The following ATF2 variants were observed in gnomAD, a reference collection of about 807,000 sequenced individuals.
ATF2 encodes cyclic AMP-dependent transcription factor ATF-2.
In ATF2, 24 loss-of-function variants were observed where a neutral mutation model predicts 60.6. The ratio of observed to expected loss-of-function variants is 0.40; its 90% CI spans 0.29 to 0.56. The LOEUF is 0.56. ATF2 is among the 20% of genes least tolerant of loss of function. The pLI, the probability that ATF2 is intolerant of heterozygous loss-of-function variation, is 0.54. For missense variants in ATF2, 433 were observed against 607.7 expected, an observed-to-expected ratio of 0.71 and a Z score of 3.02; for synonymous variants, 206 against 215.4, an observed-to-expected ratio of 0.96 and a Z score of 0.38.
chr2:175,167,525 C>T (rs1223507223), intron 1 of ATF2: 5 of 432,172 alleles, frequency 1.2e-5, no homozygotes, highest in Non-Finnish European at 2.5e-5. Flanking sequence ...TATTTTCAGC[C>T]GCGCCTCCCG....
At chr2:175,128,030 G>C (rs2105739926) in intron 4 of ATF2, among the ~76,000 whole-genome samples, 1 of 152,158 alleles carries the variant, frequency 6.6e-6, no homozygotes, top group East Asian at 1.9e-4. Flanking sequence ...AAAATGGTGT[G>C]GTACTAGCAT....
chr2:175,108,210 C>T (rs1482362050), intron 10 of ATF2, among the ~76,000 whole-genome samples: 4 of 151,768 alleles, frequency 2.6e-5, no homozygotes, highest in East Asian at 3.9e-4. Context: ...GGAGCCCCGC[C>T]GCCCGGCAGC....
intron 10 of ATF2, among the ~76,000 whole-genome samples, chr2:175,103,549 A>C (rs1338898345): frequency 6.6e-6 from 1 of 152,102 alleles, no homozygotes; most frequent in East Asian, 1.9e-4. Context: ...GCAGGGCCCA[A>C]CCAAGTTAAT....
At chr2:175,095,058 T>C (rs958039986) in intron 11 of ATF2, among the ~76,000 whole-genome samples, 4 of 152,094 alleles carry the variant, frequency 2.6e-5, no homozygotes, top group Non-Finnish European at 5.9e-5. Flanking sequence ...GGCTTCAAGA[T>C]TTGCAATCTT....
At chr2:175,164,009 A>G (rs375041581) in intron 1 of ATF2, among the ~76,000 whole-genome samples, 2 of 149,096 alleles carry the variant, frequency 1.3e-5, no homozygotes, top group South Asian at 4.2e-4. Context: ...ATGAATACAT[A>G]TTTATTTATA....
intron 10 of ATF2, among the ~76,000 whole-genome samples, chr2:175,101,194 G>T (rs1409794746): frequency 6.6e-6 from 1 of 152,102 alleles, no homozygotes; most frequent in Non-Finnish European, 1.5e-5. Context: ...ATGTGGAAGT[G>T]GATGGATTAA....
At chr2:175,103,982 C>T (rs978517688) in intron 10 of ATF2, among the ~76,000 whole-genome samples, 9 of 151,648 alleles carry the variant, frequency 5.9e-5, no homozygotes, top group African/African-American at 2.2e-4. Context: ...ACATTTAACA[C>T]ATGCTTACTT....
At chr2:175,092,460 T>C in intron 12 of ATF2, 1 of 192,468 alleles carries the variant, frequency 5.2e-6, no homozygotes. Flanking sequence ...AACTTTATAC[T>C]CCATGAGGTT....
chr2:175,096,727 A>C (rs1694963229), intron 11 of ATF2, among the ~76,000 whole-genome samples: 1 of 152,212 alleles, frequency 6.6e-6, no homozygotes, highest in Non-Finnish European at 1.5e-5. Context: ...ATTTTTTAAG[A>C]AGAGATCCAA....
intron 3 of ATF2, among the ~76,000 whole-genome samples, chr2:175,130,927 G>C (rs548277811): frequency 6.6e-6 from 1 of 152,200 alleles, no homozygotes; most frequent in South Asian, 2.1e-4. Context: ...CTGAGTCCAA[G>C]TTTAAAAGTC....
At chr2:175,158,044 C>T (rs1574505661) in intron 1 of ATF2, among the ~76,000 whole-genome samples, 4 of 151,648 alleles carry the variant, frequency 2.6e-5, no homozygotes, top group East Asian at 3.9e-4. Flanking sequence ...CCAAGGTGAA[C>T]TGAAGCAGGA....
At chr2:175,158,695 C>A (rs544245027) in intron 1 of ATF2, among the ~76,000 whole-genome samples, 2 of 152,028 alleles carry the variant, frequency 1.3e-5, no homozygotes, top group South Asian at 4.2e-4. Context: ...GGCAATGATC[C>A]TCCTGTATTA....
At chr2:175,154,999 G>A (rs949441169) in intron 1 of ATF2, among the ~76,000 whole-genome samples, 2 of 152,222 alleles carry the variant, frequency 1.3e-5, no homozygotes, top group Non-Finnish European at 2.9e-5. Flanking sequence ...GTCCCTGTGG[G>A]AGGACAGGAG....
At position 175,084,433 on chromosome 2, in the gene ATF2, G is replaced by A. The variant is rs544504040; in HGVS notation, c.1186-3668C>T. On this transcript the variant is annotated intron_variant, in intron 12 of 13. Transcript: ENST00000264110. ...ACCACATGTTCTCACTCATAGATGGGAACCGAACAATGAGAACACATGGAC... is the reference window on the plus strand; with the variant it reads ...ACCACATGTTCTCACTCATAGATGGAAACCGAACAATGAGAACACATGGAC... Among the ~76,000 whole-genome samples the A allele has an allele frequency of 1.6e-3, 227 of 139,552 alleles. 1 individual carries two copies. Among genetic ancestry groups the A allele is most frequent in the African/African-American group, 5.9e-3 (218 of 37,244 alleles). 91.6% of individuals were successfully genotyped at this position (139,552 alleles called of 152,430 possible). A position where few individuals can be genotyped will look rare whatever the true frequency, so the allele number is the denominator to read the frequency against.
Position 175,093,250 on chromosome 2 carries a change from T to C in ATF2, c.996A>G (p.Thr332=). The change falls in exon 12 of 14, where the codon ACA becomes ACG. Residue 332 remains threonine (T), a synonymous_variant. Coordinates refer to ENST00000264110, the MANE Select transcript of ATF2 (RefSeq NM_001880.4). ...CACTTGTACTTTGGGTCTGTGGAGT[T>C]GTGTGAGCTGGAGAAGCCTATTATA... is the stretch of plus-strand genomic sequence containing the variant. The part of the protein sequence containing the change: ...TTETPASPAH[T]TPQTQSTSGR... 1 of 1,614,064 alleles carries C rather than the reference T, an allele frequency of 6.2e-7. No individual in the cohort carries two copies. The highest frequency in any genetic ancestry group is 8.5e-7 in the Non-Finnish European group (1 of 1,179,982).
intron 1 of ATF2, among the ~76,000 whole-genome samples, chr2:175,163,917 T>TGAAAAAAAAAAAAAA (rs1559132302): frequency 4.5e-4 from 1 of 2,228 alleles, no homozygotes; most frequent in Non-Finnish European, 1.1e-3. Context: ...CAACTCCGTC[T>TGAAAAAAAAAAAAAA]CAAAAAAAAA....
intron 2 of ATF2, among the ~76,000 whole-genome samples, chr2:175,147,031 G>A (rs1016824158): frequency 6.6e-6 from 1 of 152,042 alleles, no homozygotes; most frequent in Non-Finnish European, 1.5e-5. Flanking sequence ...ATATATCAAA[G>A]AATAGAAAAA....
intron 10 of ATF2, among the ~76,000 whole-genome samples, chr2:175,101,623 C>T (rs764311907): frequency 3.3e-5 from 5 of 152,126 alleles, no homozygotes; most frequent in Admixed American, 3.3e-4. Context: ...AGTAACTGCA[C>T]ATAGGGGAGC....
In ATF2 at chr2:175,073,202, T is replaced by C. The variant is rs1223136174; in HGVS notation, c.*1407A>G. 1 of 152,186 alleles carries C rather than the reference T, an allele frequency of 6.6e-6. No homozygotes were observed. The allele number at this position is 152,186 out of a possible 1,614,324, so 9.4% of individuals were successfully genotyped here. ...TAACAATTTATTCTATTTTAAAATA[T>C]GTACTGTATTTTGAACATAACTGCA... On this transcript the variant is annotated 3_prime_UTR_variant, in exon 14 of 14. Coordinates refer to ENST00000264110, the MANE Select transcript of ATF2 (RefSeq NM_001880.4).
Sources: gnomAD v4.1 joint callset for allele counts (sites outside exome capture counted in the v4.1 genomes callset) on GRCh38, gnomAD v4.1.1 for gene constraint, MANE v1.5 for transcripts, NCBI Gene and HGNC (gene_info 2026-07-23, HGNC 2026-07-21) for gene names.